Variants in CTNS observed in about 807,000 individuals in gnomAD.
CTNS encodes the protein cystinosin.
CTNS carries 27 observed loss-of-function variants against 43.7 expected under a neutral mutation model. The ratio of observed to expected loss-of-function variants is 0.62; its 90% CI spans 0.46 to 0.85. The LOEUF (loss-of-function observed/expected upper bound fraction) is 0.85. Ranked by LOEUF, CTNS falls within the 40% of genes least tolerant of loss-of-function variation. The probability of loss-of-function intolerance (pLI) is 0.00; values close to 1 mark genes in which losing one functional copy is unlikely to be tolerated. For synonymous variants in CTNS, 187 were observed against 190.6 expected (o/e 0.98, Z 0.16); for missense variants, 457 against 475.4 (o/e 0.96, Z 0.36).
At chr17:3,639,452 G>A (rs1455379571) in intron 2 of CTNS, among the ~76,000 whole-genome samples, 2 of 152,180 alleles carry the variant, frequency 1.3e-5, no homozygotes, top group East Asian at 1.9e-4. Flanking sequence ...CGGATCACTC[G>A]AGGTCAGGAG....
intron 5 of CTNS, among the ~76,000 whole-genome samples, chr17:3,651,101 CATTG>C (rs1297041639): frequency 1.3e-5 from 2 of 149,040 alleles, no homozygotes; most frequent in Admixed American, 6.7e-5. Context: ...CTGGCCCGGC[CATTG>C]ATTGATTGAG....
In CTNS at chr17:3,660,486, GA is replaced by G. The variant is rs1033252188; in HGVS notation, c.*118del. The G allele has an allele frequency of 6.2e-7, 1 of 1,612,618 alleles. No homozygotes were observed. On this transcript the variant is annotated 3_prime_UTR_variant, in exon 12 of 12. Transcript: ENST00000046640. Reference sequence around the variant, plus strand: ...GCACACAGGGCTGGCTCAGTGTGCGGACAGAGGAGACCACTCTGCTCCTGGG... The same window carrying G: ...GCACACAGGGCTGGCTCAGTGTGCGGCAGAGGAGACCACTCTGCTCCTGGG...
intron 2 of CTNS, among the ~76,000 whole-genome samples, chr17:3,639,797 T>C (rs2150887929): frequency 6.6e-6 from 1 of 152,320 alleles, no homozygotes; most frequent in East Asian, 1.9e-4. Flanking sequence ...TTGAGGTTTA[T>C]AGGTTCACAA....
chr17:3,640,984 G>A (rs1386557929), intron 3 of CTNS, among the ~76,000 whole-genome samples: 3 of 152,122 alleles, frequency 2.0e-5, no homozygotes, highest in Admixed American at 6.6e-5. Flanking sequence ...GGGAAACACT[G>A]GGGAAGCAGA....
chr17:3,637,417 C>T (rs1048966963), intron 2 of CTNS, 101 bp downstream of exon 2: 2 of 152,042 alleles, frequency 1.3e-5, no homozygotes, highest in Non-Finnish European at 2.9e-5. Context: ...GTTTCTGTGG[C>T]CACAAACCAT....
In CTNS at chr17:3,640,211, T is replaced by C. The variant is rs768188337; in HGVS notation, c.5T>C (p.Ile2Thr). M[I>T]RNWLTIFILF... The stretch of plus-strand genomic sequence containing the variant: ...AGTTCTGAGAAATCGAGAAACATGA[T>C]AAGGAATTGGCTGACTATTTTTATC... Residue 2 changes from isoleucine (I) to threonine (T), a missense_variant, in exon 3 of 12, where the codon ATA (isoleucine) becomes ACA (threonine). By Grantham distance (89) the Ile-to-Thr change is moderately conservative (BLOSUM62 -1). Transcript: ENST00000046640. 1.2e-6 allele frequency: 2 copies of C among 1,613,902 alleles called. No individual in the cohort carries two copies. The highest frequency in any genetic ancestry group is 8.5e-7 in the Non-Finnish European group (1 of 1,179,852).
chr17:3,642,145 G>A (rs2075734528), intron 3 of CTNS, among the ~76,000 whole-genome samples: 2 of 32,610 alleles, frequency 6.1e-5, no homozygotes, highest in East Asian at 3.5e-3. Flanking sequence ...GCCCGGGCGT[G>A]TGTGTGTGTG....
chr17:3,654,841 G>A (rs1030569433), intron 5 of CTNS, among the ~76,000 whole-genome samples, 157 bp from the exon 6 acceptor site: 3 of 152,162 alleles, frequency 2.0e-5, no homozygotes, highest in African/African-American at 7.2e-5. Flanking sequence ...GTTGGCTGGT[G>A]GGCGCAGCGT....
At chr17:3,657,605 G>A (rs563486592) in intron 9 of CTNS, 9 of 290,100 alleles carry the variant, frequency 3.1e-5, no homozygotes, top group African/African-American at 8.6e-5. Context: ...GGCTGCTGCC[G>A]GGTCGTGGGA....
intron 10 of CTNS, among the ~76,000 whole-genome samples, chr17:3,658,727 C>A (rs2076213943): frequency 6.6e-6 from 1 of 152,222 alleles, no homozygotes; most frequent in Non-Finnish European, 1.5e-5. Flanking sequence ...TGTTCCAGTG[C>A]CCCCAGCCCT....
chr17:3,644,756 G>A (rs529830863), intron 3 of CTNS, among the ~76,000 whole-genome samples: 10 of 152,256 alleles, frequency 6.6e-5, no homozygotes, highest in African/African-American at 2.2e-4. Context: ...GAGCCACCGC[G>A]CCCGGCCTAA....
intron 3 of CTNS, among the ~76,000 whole-genome samples, chr17:3,642,041 C>CTGTGTGTATGTGTGTG (rs2075723892): frequency 7.0e-6 from 1 of 143,788 alleles, no homozygotes; most frequent in Non-Finnish European, 1.5e-5. Flanking sequence ...TTGCCTGGGC[C>CTGTGTGTATGTGTGTG]TGTGTGTGTG....
intron 4 of CTNS, 75 bp from the exon 5 acceptor site, chr17:3,648,772 A>G: frequency 1.7e-6 from 2 of 1,211,618 alleles, no homozygotes; most frequent in South Asian, 1.2e-5. Context: ...TGAAGGCCAG[A>G]TGTGAAATCC....
At chr17:3,642,597 G>A (rs1036409601) in intron 3 of CTNS, among the ~76,000 whole-genome samples, 4 of 152,172 alleles carry the variant, frequency 2.6e-5, no homozygotes, top group Non-Finnish European at 5.9e-5. Flanking sequence ...TGAGGTAGGA[G>A]AATCGCTTGA....
Position 3,660,917 on chromosome 17 carries a change from GCGTCCGTGACTGCAGTAACAGCCAGCCCT to G in CTNS, c.*549_*577del. ...TGACGTACTCTCTGTACATAACTCAGCGTCCGTGACTGCAGTAACAGCCAGCCCTACCCAGAGTATTTCTGAGCCATGAG... is the reference window on the plus strand; with the variant it reads ...TGACGTACTCTCTGTACATAACTCAGACCCAGAGTATTTCTGAGCCATGAG... On this transcript the variant is annotated 3_prime_UTR_variant, in exon 12 of 12. Transcript: ENST00000046640. 2 of 901,212 alleles carry G rather than the reference GCGTCCGTGACTGCAGTAACAGCCAGCCCT, an allele frequency of 2.2e-6. No homozygotes were observed. Among genetic ancestry groups the G allele is most frequent in the Admixed American group, 4.3e-5 (2 of 46,520 alleles). 55.8% of individuals were successfully genotyped at this position (901,212 alleles called of 1,614,324 possible).
chr17:3,655,185 G>A (rs2076097908), intron 6 of CTNS, 36 bp from the exon 7 acceptor site: 1 of 1,614,080 alleles, frequency 6.2e-7, no homozygotes, highest in African/African-American at 1.3e-5. Flanking sequence ...CAGAAGCCCA[G>A]CCTCAGCTCA....
At chr17:3,659,724 A>G in intron 10 of CTNS, 134 bp from the exon 11 acceptor site, 1 of 729,782 alleles carries the variant, frequency 1.4e-6, no homozygotes, top group Non-Finnish European at 2.5e-6. Context: ...CCCAAAGGTC[A>G]CCGTGTCCTT....
chr17:3,656,956 C>T, intron 9 of CTNS, 161 bp downstream of exon 9: 1 of 1,141,518 alleles, frequency 8.8e-7, no homozygotes, highest in South Asian at 1.4e-5. Flanking sequence ...TCCAGGCCCT[C>T]AGAGCCCCCC....
At chr17:3,642,533 C>G (rs551597011) in intron 3 of CTNS, among the ~76,000 whole-genome samples, 1 of 152,090 alleles carries the variant, frequency 6.6e-6, no homozygotes, top group African/African-American at 2.4e-5. Flanking sequence ...ACTAAAAATA[C>G]AAAATTAGCT....
Sources: gnomAD v4.1 joint callset for allele counts (sites outside exome capture counted in the v4.1 genomes callset) on GRCh38, gnomAD v4.1.1 for gene constraint, MANE v1.5 for transcripts, NCBI Gene and HGNC (gene_info 2026-07-23, HGNC 2026-07-21) for gene names.